Variants in ADGRL4 observed in about 807,000 individuals in gnomAD.
ADGRL4 encodes adhesion G protein-coupled receptor L4.
Under a neutral mutation model 74.8 loss-of-function variants are expected in ADGRL4, and 90 were observed. That is an observed-to-expected ratio of 1.20 (90% CI 1.02 to 1.43). The LOEUF (loss-of-function observed/expected upper bound fraction) is 1.43. Among genes scored for constraint, ADGRL4 ranks in the 40% most tolerant of loss-of-function variants. The pLI, the probability that ADGRL4 is intolerant of heterozygous loss-of-function variation, is 0.00. For missense variants in ADGRL4, 881 were observed against 814.3 expected, an observed-to-expected ratio of 1.08 and a Z score of -1.00; for synonymous variants, 311 against 279.2, an observed-to-expected ratio of 1.11 and a Z score of -1.14.
Position 78,918,031 on chromosome 1 carries a change from G to A in ADGRL4, c.1481C>T (p.Ala494Val). 1 of 1,609,008 alleles carries A rather than the reference G, an allele frequency of 6.2e-7. No individual in the cohort carries two copies. The highest frequency in any genetic ancestry group is 8.5e-7 in the Non-Finnish European group (1 of 1,177,230). Residue 494 changes from alanine (A) to valine (V), a missense_variant, in exon 11 of 15, where the codon GCC (alanine) becomes GTC (valine). Ala to Val is a moderately conservative substitution (Grantham distance 64). Transcript: ENST00000370742. The stretch of plus-strand genomic sequence containing the variant: ...TAAAAAGAAGTAGTGTAGCAGTCCG[G>A]CAATGATTGAACAGAAGAGCTAGAA... ...NTNKLFCSII[A>V]GLLHYFFLAA... is the part of the protein sequence containing the mutation.
chr1:78,929,441 G>A (rs1649194238), intron 7 of ADGRL4, among the ~76,000 whole-genome samples: 1 of 151,310 alleles, frequency 6.6e-6, no homozygotes, highest in Non-Finnish European at 1.5e-5. Context: ...CTGGAGCCCT[G>A]GGAGGTCAAG....
At chr1:79,006,408 T>C (rs1049364501) in intron 1 of ADGRL4, among the ~76,000 whole-genome samples, 2 of 152,186 alleles carry the variant, frequency 1.3e-5, no homozygotes, top group Non-Finnish European at 2.9e-5. Context: ...TGCTGGACAC[T>C]TCCTCAAGAG....
chr1:78,917,321 T>C (rs1648895720), intron 12 of ADGRL4, among the ~76,000 whole-genome samples: 1 of 151,772 alleles, frequency 6.6e-6, no homozygotes, highest in Admixed American at 6.6e-5. Flanking sequence ...CAGACATCTA[T>C]ACTCCATCAA....
At chr1:78,926,605 A>G (rs981909858) in intron 8 of ADGRL4, among the ~76,000 whole-genome samples, 3 of 152,040 alleles carry the variant, frequency 2.0e-5, no homozygotes, top group Non-Finnish European at 4.4e-5. Context: ...GAAACCATGG[A>G]TATTTCCAAA....
intron 8 of ADGRL4, among the ~76,000 whole-genome samples, chr1:78,922,706 G>A (rs1422619931): frequency 6.6e-6 from 1 of 151,930 alleles, no homozygotes; most frequent in Non-Finnish European, 1.5e-5. Context: ...AACCTTCTCT[G>A]AGATAAATGC....
In ADGRL4 at chr1:78,926,872, G is replaced by T. The variant is rs372371545; in HGVS notation, c.1083+14C>A. ...TCACAATCATAGCCAATAACTACCAGAAAAACAGCTTACCTTTCGATGACT... is the reference window on the plus strand; with the variant it reads ...TCACAATCATAGCCAATAACTACCATAAAAACAGCTTACCTTTCGATGACT... On this transcript the variant is annotated intron_variant, in intron 8 of 14. Coordinates refer to ENST00000370742, the MANE Select transcript of ADGRL4 (RefSeq NM_022159.4). 2 of 1,597,334 alleles carry T rather than the reference G, an allele frequency of 1.3e-6. No individual in the cohort carries two copies. Among genetic ancestry groups the T allele is most frequent in the African/African-American group, 1.3e-5 (1 of 74,382 alleles).
chr1:78,918,866 T>G (rs2100670328), intron 10 of ADGRL4, among the ~76,000 whole-genome samples: 1 of 151,918 alleles, frequency 6.6e-6, no homozygotes, highest in Admixed American at 6.6e-5. Context: ...GCAATTAAAA[T>G]TTGGAAATCA....
intron 2 of ADGRL4, among the ~76,000 whole-genome samples, chr1:78,989,322 G>A (rs1650557800): frequency 6.6e-6 from 1 of 151,736 alleles, no homozygotes. Flanking sequence ...TTTAGGAAAA[G>A]TTAGTTCACA....
chr1:78,958,465 C>T lies in ADGRL4; in HGVS notation c.173-12039G>A, dbSNP rs114662032. 1.4e-3 allele frequency among the ~76,000 whole-genome samples: 218 copies of T among 152,156 alleles called. 3 individuals carry two copies. The highest frequency in any genetic ancestry group is 4.9e-3 in the African/African-American group (203 of 41,520). Reference sequence around the variant, plus strand: ...AACAGTAGTTTGGAAGAAGCTGATTCCAACCCTCATAGATGACTTGGAGGG... The same window carrying T: ...AACAGTAGTTTGGAAGAAGCTGATTTCAACCCTCATAGATGACTTGGAGGG... On this transcript the variant is annotated intron_variant, in intron 2 of 14. Transcript: ENST00000370742.
At chr1:78,938,822 A>G (rs961825950) in intron 4 of ADGRL4, among the ~76,000 whole-genome samples, 3 of 152,130 alleles carry the variant, frequency 2.0e-5, no homozygotes, top group Non-Finnish European at 4.4e-5. Flanking sequence ...TTGAATGTTC[A>G]CTTTGAAGTA....
intron 8 of ADGRL4, among the ~76,000 whole-genome samples, chr1:78,924,526 G>C (rs940806496): frequency 6.6e-6 from 1 of 152,006 alleles, no homozygotes; most frequent in Non-Finnish European, 1.5e-5. Context: ...AAATGACCCA[G>C]GGGTAGATCA....
chr1:78,940,061 CAA>C (rs543423455), intron 3 of ADGRL4, among the ~76,000 whole-genome samples: 370 of 152,216 alleles, frequency 2.4e-3, no homozygotes, highest in African/African-American at 8.3e-3. Context: ...GATTAATCAA[CAA>C]AGTCATTACA....
chr1:78,900,216 C>T (rs1489258484), intron 12 of ADGRL4, among the ~76,000 whole-genome samples: 1 of 152,096 alleles, frequency 6.6e-6, no homozygotes, highest in South Asian at 2.1e-4. Flanking sequence ...GGTCTTAGTC[C>T]CACAACTGCA....
At chr1:78,937,017 T>C (rs1427845015) in intron 6 of ADGRL4, among the ~76,000 whole-genome samples, 1 of 152,198 alleles carries the variant, frequency 6.6e-6, no homozygotes, top group Admixed American at 6.5e-5. Flanking sequence ...AAAAAGTTTA[T>C]AGGGATCCTC....
chr1:79,005,287 G>T, intron 1 of ADGRL4, 68 bp from the exon 2 acceptor site: 1 of 1,241,298 alleles, frequency 8.1e-7, no homozygotes. Flanking sequence ...TGTTGAATTA[G>T]AGTATAATAA....
At chr1:79,003,060 AG>A (rs1458643278) in intron 2 of ADGRL4, among the ~76,000 whole-genome samples, 2 of 152,062 alleles carry the variant, frequency 1.3e-5, no homozygotes, top group Admixed American at 1.3e-4. Flanking sequence ...CTCAAGAAAT[AG>A]GCATCCTCTG....
At chr1:78,904,912 A>G (rs1237013979) in intron 12 of ADGRL4, among the ~76,000 whole-genome samples, 3 of 152,070 alleles carry the variant, frequency 2.0e-5, no homozygotes, top group African/African-American at 7.2e-5. Flanking sequence ...AGTGGTTATA[A>G]CACTCATACA....
chr1:78,944,844 C>T (rs1448368193), intron 3 of ADGRL4, among the ~76,000 whole-genome samples: 1 of 152,052 alleles, frequency 6.6e-6, no homozygotes, highest in Non-Finnish European at 1.5e-5. Flanking sequence ...GTACATGAGA[C>T]TGGATGATTT....
chr1:78,894,022 A>G (rs1448186012), intron 12 of ADGRL4, among the ~76,000 whole-genome samples: 1 of 151,844 alleles, frequency 6.6e-6, no homozygotes, highest in Non-Finnish European at 1.5e-5. Context: ...AAAATATTAA[A>G]TATTATAGAA....
Sources: gnomAD v4.1 joint callset for allele counts (sites outside exome capture counted in the v4.1 genomes callset) on GRCh38, gnomAD v4.1.1 for gene constraint, MANE v1.5 for transcripts, NCBI Gene and HGNC (gene_info 2026-07-23, HGNC 2026-07-21) for gene names.